Variants in PDE12 observed in about 807,000 individuals in gnomAD.
The protein encoded by PDE12 is phosphodiesterase 12, also known as 2',5'-phosphodiesterase 12.
A neutral mutation model predicts 45.4 loss-of-function variants in PDE12; 26 were observed. That is an observed-to-expected ratio of 0.57 (90% confidence interval 0.42 to 0.79). The LOEUF (loss-of-function observed/expected upper bound fraction) is 0.79, where lower values mean the gene tolerates loss of function less well. Among genes scored for constraint, PDE12 ranks in the 30% least tolerant of loss-of-function variants. The probability of loss-of-function intolerance (pLI) is 0.00; values close to 1 mark genes in which losing one functional copy is unlikely to be tolerated. For missense variants in PDE12, 668 were observed against 790.0 expected, an observed-to-expected ratio of 0.85 and a Z score of 1.85; for synonymous variants, 283 against 323.9, an observed-to-expected ratio of 0.87 and a Z score of 1.36.
At chr3:57,639,744 C>A in the PDE12 span, among the ~76,000 whole-genome samples, 44 of 152,148 alleles carry the variant, frequency 2.9e-4, no homozygotes, top group East Asian at 6.2e-3. Context: ...TATTAGCACA[C>A]AGTTCTGATT....
chr3:57,604,828 G>A, the PDE12 span, among the ~76,000 whole-genome samples: 1 of 151,850 alleles, frequency 6.6e-6, no homozygotes, highest in Non-Finnish European at 1.5e-5. Flanking sequence ...GCCTAGGCTG[G>A]TCTTGAACCC....
chr3:57,573,682 G>A, the PDE12 span, among the ~76,000 whole-genome samples: 1 of 151,992 alleles, frequency 6.6e-6, no homozygotes, highest in Non-Finnish European at 1.5e-5. Flanking sequence ...ACAGGCTCAA[G>A]AGATTCTCGT....
At chr3:57,630,589 C>G in the PDE12 span, 1 of 1,527,856 alleles carries the variant, frequency 6.5e-7, no homozygotes, top group South Asian at 1.2e-5. Flanking sequence ...CAATACCTTT[C>G]CTAGTCAGAG....
At chr3:57,642,728 G>A in the PDE12 span, among the ~76,000 whole-genome samples, 1 of 152,104 alleles carries the variant, frequency 6.6e-6, no homozygotes, top group Non-Finnish European at 1.5e-5. Flanking sequence ...CAATCGGCCA[G>A]GCGCGGTGGC....
chr3:57,639,297 C>T, the PDE12 span, among the ~76,000 whole-genome samples: 9 of 152,142 alleles, frequency 5.9e-5, no homozygotes, highest in Non-Finnish European at 7.4e-5. Flanking sequence ...AATAGGAACC[C>T]TCATACATTG....
At chr3:57,590,205 G>A in the PDE12 span, among the ~76,000 whole-genome samples, 1 of 150,208 alleles carries the variant, frequency 6.7e-6, no homozygotes, top group Non-Finnish European at 1.5e-5. Context: ...GAAAAATTGA[G>A]GCCGGGTGCA....
the PDE12 span, chr3:57,627,275 C>G: frequency 6.6e-6 from 1 of 152,190 alleles, no homozygotes; most frequent in African/African-American, 2.4e-5. Context: ...TCCCAAGTAG[C>G]TGGGATTACA....
chr3:57,640,422 G>A, the PDE12 span, among the ~76,000 whole-genome samples: 7 of 151,762 alleles, frequency 4.6e-5, no homozygotes, highest in Admixed American at 6.6e-5. Context: ...GCAAAACCCC[G>A]TCTCTATTAA....
chr3:57,633,300 A>T, the PDE12 span: 1 of 1,613,890 alleles, frequency 6.2e-7, no homozygotes, highest in Non-Finnish European at 8.5e-7. Context: ...AGTTCCAAAA[A>T]ATAGCGTCGA....
chr3:57,647,293 C>G, the PDE12 span, among the ~76,000 whole-genome samples: 3 of 152,098 alleles, frequency 2.0e-5, no homozygotes, highest in Non-Finnish European at 2.9e-5. Flanking sequence ...ACAAAAGAAA[C>G]AAACAACAAC....
the PDE12 span, chr3:57,577,214 C>T: frequency 1.1e-6 from 1 of 915,582 alleles, no homozygotes; most frequent in Non-Finnish European, 1.7e-6. Flanking sequence ...CCCCCCCAAT[C>T]CATTTGTGTA....
the PDE12 span, chr3:57,630,691 G>T: frequency 6.2e-7 from 1 of 1,604,284 alleles, no homozygotes; most frequent in East Asian, 2.2e-5. Flanking sequence ...ACACATGGGT[G>T]TAAAACAGGG....
chr3:57,585,275 TG>T, the PDE12 span, among the ~76,000 whole-genome samples: 1 of 152,242 alleles, frequency 6.6e-6, no homozygotes, highest in Non-Finnish European at 1.5e-5. Context: ...GAGTAAAATT[TG>T]GGTAACAGAT....
the PDE12 span, among the ~76,000 whole-genome samples, chr3:57,652,092 T>A: frequency 6.6e-6 from 1 of 152,066 alleles, no homozygotes; most frequent in Non-Finnish European, 1.5e-5. Flanking sequence ...CCACAAATTC[T>A]TTGACAGTCC....
At chr3:57,578,202 G>A in the PDE12 span, among the ~76,000 whole-genome samples, 4 of 151,954 alleles carry the variant, frequency 2.6e-5, no homozygotes, top group Non-Finnish European at 4.4e-5. Context: ...AAATTAACTT[G>A]CTTCAGAATG....
chr3:57,588,508 G>A, the PDE12 span, among the ~76,000 whole-genome samples: 1 of 151,922 alleles, frequency 6.6e-6, no homozygotes, highest in Non-Finnish European at 1.5e-5. Context: ...AGGAGTTTGT[G>A]ACCAGCCTGG....
chr3:57,636,693 TTGGAAAGCTGAG>T, the PDE12 span, among the ~76,000 whole-genome samples: 1 of 151,972 alleles, frequency 6.6e-6, no homozygotes, highest in Non-Finnish European at 1.5e-5. Flanking sequence ...TCTCAGCACT[TTGGAAAGCTGAG>T]GCGGGTGGAT....
the PDE12 span, among the ~76,000 whole-genome samples, chr3:57,613,424 G>A: frequency 6.6e-6 from 1 of 151,212 alleles, no homozygotes; most frequent in Non-Finnish European, 1.5e-5. Flanking sequence ...CTCCCAAGTA[G>A]CTGCGATTAC....
chr3:57,561,661 C>T lies in PDE12; in HGVS notation c.*1657C>T, dbSNP rs940741213. ...ATTAATAGCTCGAGTATTAAAAGCC[C>T]ACTCCCTTCAAGAAAAGCTTTGATT... On this transcript the variant is annotated 3_prime_UTR_variant, in exon 3 of 3. Coordinates refer to ENST00000311180, the MANE Select transcript of PDE12 (RefSeq NM_177966.7). 23 of 984,736 alleles carry T rather than the reference C, an allele frequency of 2.3e-5. No individual in the cohort carries two copies. The highest frequency in any genetic ancestry group is 2.8e-5 in the Non-Finnish European group (23 of 829,544). 61.0% of individuals were successfully genotyped at this position (984,736 alleles called of 1,614,324 possible). A position where few individuals can be genotyped will look rare whatever the true frequency, so the allele number is the denominator to read the frequency against.
Sources: gnomAD v4.1 joint callset for allele counts (sites outside exome capture counted in the v4.1 genomes callset) on GRCh38, gnomAD v4.1.1 for gene constraint, MANE v1.5 for transcripts, NCBI Gene and HGNC (gene_info 2026-07-23, HGNC 2026-07-21) for gene names.